MYH2: variants seen among roughly 807,000 people sequenced by gnomAD.
MYH2 encodes the protein myosin-2.
MYH2 carries 139 observed loss-of-function variants against 228.1 expected under a neutral mutation model. That is an observed-to-expected ratio of 0.61 (90% CI 0.53 to 0.70). The LOEUF (loss-of-function observed/expected upper bound fraction) is 0.70, where lower values mean the gene tolerates loss of function less well. Ranked by LOEUF, MYH2 falls within the 30% of genes least tolerant of loss-of-function variation. The pLI is 0.00. For synonymous variants in MYH2, 796 were observed against 871.1 expected (o/e 0.91, Z 1.52); for missense variants, 1,809 against 2,357.5 (o/e 0.77, Z 4.82).
rs768382253 is a variant in MYH2, at chr17:10,528,786, C to A, written c.3648G>T (p.Leu1216=). The A allele has an allele frequency of 6.2e-7, 1 of 1,614,084 alleles. No individual in the cohort carries two copies. Among genetic ancestry groups the A allele is most frequent in the African/African-American group, 1.3e-5 (1 of 74,924 alleles). Residue 1216 remains leucine (L), a synonymous_variant, in exon 27 of 40, where the codon CTG becomes CTT. Transcript: ENST00000245503. ...VAELGEQIDN[L]QRVKQKLEKE... is the part of the protein sequence containing the mutation. Reference sequence around the variant, plus strand: ...TCTCCAGCTTCTGCTTCACTCGCTGCAGGTTGTCAATCTGCTCCCCAAGCT... The same window carrying A: ...TCTCCAGCTTCTGCTTCACTCGCTGAAGGTTGTCAATCTGCTCCCCAAGCT...
rs753195074 is a variant in MYH2 at position 10,535,163 on chromosome 17, T to C, written c.2090A>G (p.His697Arg). ...CAGCACACCGTTACACCTCAGCTGG[T>C]GGAGGACAAGCTCATGCTCCATGGC... is the stretch of plus-strand genomic sequence containing the variant. The part of the protein sequence containing the change: ...PGAMEHELVL[H>R]QLRCNGVLEG... The change falls in exon 19 of 40, where the codon CAC becomes CGC. Residue 697 changes from histidine to arginine, a missense_variant. His to Arg is a conservative substitution (Grantham distance 29, BLOSUM62 0). Around this residue, in one of 9 missense-constraint regions of MYH2, gnomAD observed 276 missense variants for 344.2 expected, o/e 0.80. Transcript: ENST00000245503. The C allele has an allele frequency of 6.4e-5, 104 of 1,614,036 alleles. No homozygotes were observed. The highest frequency in any genetic ancestry group is 8.3e-5 in the Non-Finnish European group (98 of 1,180,030).
intron 22 of MYH2, 121 bp from the exon 23 acceptor site, chr17:10,530,195 CA>C (rs2073408915): frequency 6.4e-7 from 1 of 1,566,048 alleles, no homozygotes; most frequent in Non-Finnish European, 8.7e-7. Context: ...TACTCCTTCA[CA>C]AATTTTTGTT....
chr17:10,532,014 A>AT, intron 21 of MYH2, 126 bp from the exon 22 acceptor site: 1 of 1,254,054 alleles, frequency 8.0e-7, no homozygotes, highest in Non-Finnish European at 1.2e-6. Context: ...AGATGAAAAA[A>AT]TTCTATTTCG....
chr17:10,547,832 C>G lies in MYH2; in HGVS notation c.89G>C (p.Arg30Thr). The G allele has an allele frequency of 6.2e-7, 1 of 1,614,188 alleles. No individual in the cohort carries two copies. Among genetic ancestry groups the G allele is most frequent in the Non-Finnish European group, 8.5e-7 (1 of 1,180,040 alleles). The change falls in exon 3 of 40, where the codon AGG becomes ACG. Residue 30 changes from arginine to threonine, a missense_variant. Around this residue, in one of 9 missense-constraint regions of MYH2, gnomAD observed 84 missense variants for 81.8 expected, o/e 1.03. Transcript: ENST00000245503. ...SERERIEAQN[R>T]PFDAKTSVFV... ...GACAGATGTTTTGGCATCAAAGGGCCTATTCTGGGCCTCAATGCGCTCCCT... is the reference window on the plus strand; with the variant it reads ...GACAGATGTTTTGGCATCAAAGGGCGTATTCTGGGCCTCAATGCGCTCCCT...
In MYH2 at chr17:10,546,255, T is replaced by TTATATATATATATATATATATATATA. The variant is rs1376514619; in HGVS notation, c.349-754_349-753insTATATATATATATATATATATATATA. On this transcript the variant is annotated intron_variant, in intron 4 of 39. Transcript: ENST00000245503. ...AGTTATAAGGAAACAGGACACGAAA[T>TTATATATATATATATATATATATATA]GATATATATATATATATATATATAT... Among the ~76,000 whole-genome samples the TTATATATATATATATATATATATATA allele has an allele frequency of 2.2e-4, 6 of 27,154 alleles. No homozygotes were observed. In the South Asian group the frequency reaches 5.7e-3, roughly 26 times the overall value. 17.8% of individuals were successfully genotyped at this position (27,154 alleles called of 152,430 possible).
chr17:10,524,703 C>T lies in MYH2; in HGVS notation c.4972-34G>A. The T allele has an allele frequency of 3.7e-6, 6 of 1,614,234 alleles. No homozygotes were observed. In the South Asian group the frequency reaches 6.6e-5, roughly 18 times the overall value. ...CAAACCATCATTGAGACATCATGTT[C>T]TCAGGGTTGCAGGCACCCCAATAGT... On this transcript the variant is annotated intron_variant, in intron 34 of 39. Transcript: ENST00000245503. This position sits in a 1 kb window ranked among gnomAD's most constrained non-coding sequence, Gnocchi z 4.7.
Position 10,547,824 on chromosome 17 carries a change from CAA to C in MYH2, c.95_96del (p.Phe32Ter). 5 of 1,614,194 alleles carry C rather than the reference CAA, an allele frequency of 3.1e-6. No homozygotes were observed. The highest frequency in any genetic ancestry group is 3.4e-6 in the Non-Finnish European group (4 of 1,180,054). On this transcript the variant is annotated frameshift_variant, in exon 3 of 40. Coordinates refer to ENST00000245503, the MANE Select transcript of MYH2 (RefSeq NM_017534.6). LOFTEE classifies it high-confidence loss of function. ...RERIEAQNRP[F>X]DAKTSVFVAE... Reference sequence around the variant, plus strand: ...GCCACAAAGACAGATGTTTTGGCATCAAAGGGCCTATTCTGGGCCTCAATGCG... The same window carrying C: ...GCCACAAAGACAGATGTTTTGGCATCAGGGCCTATTCTGGGCCTCAATGCG...
rs775600604 is a variant in MYH2, at chr17:10,540,727, CAT to C, written c.905-32_905-31del. On this transcript the variant is annotated intron_variant, in intron 10 of 39. Coordinates refer to ENST00000245503, the MANE Select transcript of MYH2 (RefSeq NM_017534.6). ...GTACAGGAAACAGAACAAAGATAAACATAATTATCTTCTTCATTAAAACAAGA... is the reference window on the plus strand; with the variant it reads ...GTACAGGAAACAGAACAAAGATAAACAATTATCTTCTTCATTAAAACAAGA... The C allele has an allele frequency of 2.0e-6, 3 of 1,495,256 alleles. No individual in the cohort carries two copies. The East Asian group carries it at 6.8e-5, about 34-fold the overall frequency. 92.6% of individuals were successfully genotyped at this position (1,495,256 alleles called of 1,614,324 possible). A position where few individuals can be genotyped will look rare whatever the true frequency, so the allele number is the denominator to read the frequency against.
chr17:10,525,421 T>C lies in MYH2; in HGVS notation c.4537+30A>G, dbSNP rs2073338655. The C allele has an allele frequency of 6.2e-7, 1 of 1,613,970 alleles. No individual in the cohort carries two copies. Among genetic ancestry groups the C allele is most frequent in the South Asian group, 1.1e-5 (1 of 91,078 alleles). On this transcript the variant is annotated intron_variant, in intron 32 of 39. Coordinates refer to ENST00000245503, the MANE Select transcript of MYH2 (RefSeq NM_017534.6). This position sits in a 1 kb window ranked among gnomAD's most constrained non-coding sequence, Gnocchi z 4.2. ...ATAAGGGAGAGATTCTTCCAAGTTA[T>C]GAATATTATTGAATATGATAGGGAC...
intron 4 of MYH2, 56 bp downstream of exon 4, chr17:10,547,418 GC>G: frequency 6.2e-7 from 1 of 1,602,880 alleles, no homozygotes; most frequent in Admixed American, 1.7e-5. Flanking sequence ...AGTGGAAGAA[GC>G]AGGATGGTAG....
Position 10,537,917 on chromosome 17 carries a change from T to C in MYH2, c.1417-82A>G. On this transcript the variant is annotated intron_variant, in intron 14 of 39. Coordinates refer to ENST00000245503, the MANE Select transcript of MYH2 (RefSeq NM_017534.6). This position sits in a 1 kb window ranked among gnomAD's most constrained non-coding sequence, Gnocchi z 4.0. ...ACAGAACTTTTCCATTTTAAAAATATGTGTCCAAGAGCCTTTATATTACAG... is the reference window on the plus strand; with the variant it reads ...ACAGAACTTTTCCATTTTAAAAATACGTGTCCAAGAGCCTTTATATTACAG... 6.2e-7 allele frequency: 1 copy of C among 1,606,774 alleles called. No homozygotes were observed. Among genetic ancestry groups the C allele is most frequent in the Non-Finnish European group, 8.5e-7 (1 of 1,175,002 alleles).
rs991793220 is a variant in MYH2 at position 10,539,986 on chromosome 17, C to T, written c.1089G>A (p.Gly363=). ...GCTGCTTTTGCTTAAATTTTAGGTT[C>T]CCATAATGCATCACAGCCCCCGTGA... ...YKLTGAVMHY[G]NLKFKQKQRE... is the part of the protein sequence containing the mutation. Residue 363 remains glycine, a synonymous_variant, in exon 12 of 40, where the codon GGG becomes GGA. Coordinates refer to ENST00000245503, the MANE Select transcript of MYH2 (RefSeq NM_017534.6). 8 of 1,614,010 alleles carry T rather than the reference C, an allele frequency of 5.0e-6. No homozygotes were observed. The highest frequency in any genetic ancestry group is 6.8e-6 in the Non-Finnish European group (8 of 1,179,976).
rs1366536179 is a variant in MYH2, at chr17:10,527,065, C to CA, written c.3872-10dup. 1.2e-6 allele frequency: 2 copies of CA among 1,610,850 alleles called. No homozygotes were observed. Among genetic ancestry groups the CA allele is most frequent in the Non-Finnish European group, 1.7e-6 (2 of 1,177,024 alleles). ...CTGGCGTGAAAACTCACCTGATGGA[C>CA]AAAAGAAATGGCACCATTTTTTAGG... is the stretch of plus-strand genomic sequence containing the variant. On this transcript the variant is annotated splice_polypyrimidine_tract_variant and intron_variant, in intron 28 of 39. Coordinates refer to ENST00000245503, the MANE Select transcript of MYH2 (RefSeq NM_017534.6).
chr17:10,531,306 C>T (rs2073421612), intron 22 of MYH2, among the ~76,000 whole-genome samples: 1 of 152,142 alleles, frequency 6.6e-6, no homozygotes. Flanking sequence ...CTATCCTCCC[C>T]TTCATATTTT....
In MYH2 at chr17:10,525,564, G is replaced by C; in HGVS notation, c.4424C>G (p.Ala1475Gly). Residue 1475 changes from alanine to glycine, a missense_variant, in exon 32 of 40, where the codon GCC becomes GGC. This residue lies in a region of MYH2 where 636 missense variants were observed against 729.9 expected (regional missense o/e 0.87). Coordinates refer to ENST00000245503, the MANE Select transcript of MYH2 (RefSeq NM_017534.6). This position sits in a 1 kb window ranked among gnomAD's most constrained non-coding sequence, Gnocchi z 4.2. ...AAGGGAACGGGCCTCCTTCTGGGAG[G>C]CCTCAAGCTCAGCATGCGTTTCCTC... ...KCEETHAELE[A>G]SQKEARSLGT... is the part of the protein sequence containing the mutation. The C allele has an allele frequency of 6.2e-7, 1 of 1,614,150 alleles. No individual in the cohort carries two copies. Among genetic ancestry groups the C allele is most frequent in the South Asian group, 1.1e-5 (1 of 91,074 alleles).
chr17:10,534,931 C>A, intron 19 of MYH2, 142 bp downstream of exon 19: 1 of 1,077,630 alleles, frequency 9.3e-7, no homozygotes, highest in Admixed American at 1.8e-5. Context: ...CAAAAGTGTT[C>A]GAGACTTGAG....
intron 14 of MYH2, among the ~76,000 whole-genome samples, chr17:10,538,602 G>A (rs369238192): frequency 1.3e-5 from 2 of 148,676 alleles, no homozygotes; most frequent in African/African-American, 5.0e-5. Context: ...CCGAGATCAC[G>A]CCATTGCACT....
At chr17:10,542,581 G>A (rs946737139) in intron 10 of MYH2, among the ~76,000 whole-genome samples, 1 of 152,182 alleles carries the variant, frequency 6.6e-6, no homozygotes, top group Non-Finnish European at 1.5e-5. Flanking sequence ...TTGTATGTAT[G>A]TATCTATATG....
In MYH2 at chr17:10,544,125, G is replaced by A. The variant is rs750232956; in HGVS notation, c.508C>T (p.Arg170Ter). 17 of 1,613,316 alleles carry A rather than the reference G, an allele frequency of 1.1e-5. No individual in the cohort carries two copies. Among genetic ancestry groups the A allele is most frequent in the Admixed American group, 6.7e-5 (4 of 59,964 alleles). ...DNAYQFMLTDRENQSILITGE... is the reference protein window; with the variant it reads ...DNAYQFMLTD Reference sequence around the variant, plus strand: ...GTGATCAGGATTGACTGATTCTCTCGGTCTACAAAAGAAATTATAGACATT... The same window carrying A: ...GTGATCAGGATTGACTGATTCTCTCAGTCTACAAAAGAAATTATAGACATT... The change falls in exon 6 of 40, where the codon CGA becomes TGA. Residue 170 changes from arginine to a stop codon, truncating the protein, a stop_gained and splice_region_variant. Transcript: ENST00000245503. LOFTEE classifies it high-confidence loss of function.
Sources: allele counts gnomAD v4.1 joint callset (sites outside exome capture counted in the v4.1 genomes callset), GRCh38; gene constraint gnomAD v4.1.1; regional missense constraint gnomAD v4.1.1; non-coding constraint Gnocchi (gnomAD v3.1); transcripts MANE v1.5; gene names NCBI Gene and HGNC (gene_info 2026-07-23, HGNC 2026-07-21).